Variants in FAM24A observed in about 807,000 individuals in gnomAD.
The protein encoded by FAM24A is family with sequence similarity 24 member A.
Under a neutral mutation model 2.8 loss-of-function variants are expected in FAM24A, and 2 were observed. That is an observed-to-expected ratio of 0.73 (90% CI 0.30 to 2.28). The LOEUF is 2.28. FAM24A is among the 30% of genes most tolerant of loss of function. The pLI is 0.12. For synonymous variants in FAM24A, 46 were observed against 47.5 expected, an observed-to-expected ratio of 0.97 and a Z score of 0.13; for missense variants, 109 against 132.0, an observed-to-expected ratio of 0.83 and a Z score of 0.85.
chr10:122,912,674 A>C, intron 2 of FAM24A, 88 bp from the exon 3 acceptor site: 4 of 1,319,438 alleles, frequency 3.0e-6, no homozygotes, highest in Non-Finnish European at 4.2e-6. Context: ...TGGCTTCAGC[A>C]CTAAACTTCC....
intron 1 of FAM24A, among the ~76,000 whole-genome samples, 198 bp downstream of exon 1, chr10:122,911,017 A>G (rs1358418998): frequency 1.3e-5 from 2 of 152,190 alleles, no homozygotes; most frequent in Non-Finnish European, 2.9e-5. Context: ...GGGCTCCTGA[A>G]TAAGCTGGCT....
chr10:122,911,491 C>A, intron 1 of FAM24A, 142 bp from the exon 2 acceptor site: 1 of 1,256,074 alleles, frequency 8.0e-7, no homozygotes, highest in Non-Finnish European at 1.1e-6. Context: ...CCTGGACCAG[C>A]TTAGGATCCT....
intron 2 of FAM24A, 138 bp downstream of exon 2, chr10:122,911,897 G>C: frequency 1.9e-6 from 2 of 1,071,558 alleles, no homozygotes; most frequent in Non-Finnish European, 2.7e-6. Context: ...GTTTTGAAAA[G>C]GCAGAAATGG....
chr10:122,911,791 T>A (rs1249473557), intron 2 of FAM24A, 32 bp downstream of exon 2: 1 of 1,612,630 alleles, frequency 6.2e-7, no homozygotes, highest in Admixed American at 1.7e-5. Context: ...GAATTACACC[T>A]CCTCAAATGG....
intron 2 of FAM24A, 85 bp from the exon 3 acceptor site, chr10:122,912,677 A>C: frequency 7.3e-7 from 1 of 1,377,478 alleles, no homozygotes; most frequent in Non-Finnish European, 1.0e-6. Context: ...CTTCAGCACT[A>C]AACTTCCCAG....
chr10:122,911,728 TGTCTTTACTTCAAAGTAGCTA>T lies in FAM24A; in HGVS notation c.95_115del (p.Cys32_Lys39delinsTer). 2 of 1,614,178 alleles carry T rather than the reference TGTCTTTACTTCAAAGTAGCTA, an allele frequency of 1.2e-6. No homozygotes were observed. The highest frequency in any genetic ancestry group is 4.5e-5 in the East Asian group (2 of 44,878). On this transcript the variant is annotated stop_gained and inframe_deletion, in exon 2 of 3. Transcript: ENST00000368894. LOFTEE classifies it low-confidence loss of function (END_TRUNC). ...GATGGTGCTCCTAAGTGTTGTGTTCTGTCTTTACTTCAAAGTAGCTAAGGCACTAAAGTGAGTCATGTGGGG... is the reference window on the plus strand; with the variant it reads ...GATGGTGCTCCTAAGTGTTGTGTTCTAGGCACTAAAGTGAGTCATGTGGGG...
rs747709433 is a variant in FAM24A at position 122,911,650 on chromosome 10, G to A, written c.16G>A (p.Asp6Asn). Reference sequence around the variant, plus strand: ...CTCCTTAGGCATGGCAAAGATGTTTGATCTCAGGACGAAGATCATGATCGG... The same window carrying A: ...CTCCTTAGGCATGGCAAAGATGTTTAATCTCAGGACGAAGATCATGATCGG... Reference protein sequence around the residue: MAKMFDLRTKIMIGIG... With the variant: MAKMFNLRTKIMIGIG... Residue 6 changes from aspartate to asparagine, a missense_variant, in exon 2 of 3, where the codon GAT becomes AAT. Physicochemically the swap from Asp to Asn is conservative, Grantham distance 23. Transcript: ENST00000368894. 4 of 1,613,946 alleles carry A rather than the reference G, an allele frequency of 2.5e-6. No homozygotes were observed. The South Asian group carries it at 4.4e-5, about 18-fold the overall frequency.
At chr10:122,912,400 A>C (rs1220761793) in intron 2 of FAM24A, among the ~76,000 whole-genome samples, 1 of 152,018 alleles carries the variant, frequency 6.6e-6, no homozygotes, top group Non-Finnish European at 1.5e-5. Context: ...AGTACCAGAG[A>C]GGTTGGTTGT....
At chr10:122,912,540 T>C (rs547875051) in intron 2 of FAM24A, among the ~76,000 whole-genome samples, 1 of 152,168 alleles carries the variant, frequency 6.6e-6, no homozygotes, top group African/African-American at 2.4e-5. Context: ...TTGCTTGCAA[T>C]TCACTTACCC....
At chr10:122,910,975 A>G (rs1036318783) in intron 1 of FAM24A, among the ~76,000 whole-genome samples, 156 bp downstream of exon 1, 10 of 152,146 alleles carry the variant, frequency 6.6e-5, no homozygotes, top group South Asian at 6.2e-4. Flanking sequence ...AGGTAGGCCT[A>G]TGGTCTACTA....
Position 122,911,761 on chromosome 10 carries a change from T to G in FAM24A, c.125+2T>G, listed in dbSNP as rs1419982865. The G allele has an allele frequency of 6.2e-7, 1 of 1,613,804 alleles. No homozygotes were observed. The highest frequency in any genetic ancestry group is 8.5e-7 in the Non-Finnish European group (1 of 1,179,912). On this transcript the variant is annotated splice_donor_variant, in intron 2 of 2. Transcript: ENST00000368894. LOFTEE classifies it high-confidence loss of function. ...CTTCAAAGTAGCTAAGGCACTAAAG[T>G]GAGTCATGTGGGGGAAAATGAATTA...
chr10:122,912,819 T>C lies in FAM24A; in HGVS notation c.183T>C (p.Cys61=), dbSNP rs776735141. Residue 61 remains cysteine, a synonymous_variant, in exon 3 of 3, where the codon TGT becomes TGC. Transcript: ENST00000368894. ...AAAATCACAACCCAGACAAGGTGTG[T>C]TGGGCCACGAACAGCCAGGCCAAAG... is the stretch of plus-strand genomic sequence containing the variant. ...AVKNHNPDKV[C]WATNSQAKAT... 1.2e-6 allele frequency: 2 copies of C among 1,614,150 alleles called. No homozygotes were observed. The highest frequency in any genetic ancestry group is 1.7e-6 in the Non-Finnish European group (2 of 1,180,022).
intron 1 of FAM24A, 23 bp from the exon 2 acceptor site, chr10:122,911,610 G>T (rs781192172): frequency 1.4e-5 from 22 of 1,611,580 alleles, no homozygotes; most frequent in Non-Finnish European, 1.8e-5. Context: ...GCCACGTTCT[G>T]CTTCCCTGCA....
chr10:122,910,730 A>C lies in FAM24A; in HGVS notation c.-92A>C, dbSNP rs1162995866. Reference sequence around the variant, plus strand: ...TCTTTCTCAGATTACAGGTTTGAGAAGTTCCAAATATCCGATGCCCTAGAG... The same window carrying C: ...TCTTTCTCAGATTACAGGTTTGAGACGTTCCAAATATCCGATGCCCTAGAG... On this transcript the variant is annotated 5_prime_UTR_variant, in exon 1 of 3. Transcript: ENST00000368894. 1 of 152,204 alleles carries C rather than the reference A, an allele frequency of 6.6e-6. No individual in the cohort carries two copies. The highest frequency in any genetic ancestry group is 1.5e-5 in the Non-Finnish European group (1 of 68,034). 9.4% of individuals were successfully genotyped at this position (152,204 alleles called of 1,614,324 possible).
Position 122,912,666 on chromosome 10 carries a change from G to A in FAM24A, c.126-96G>A. 4 of 1,178,560 alleles carry A rather than the reference G, an allele frequency of 3.4e-6. No homozygotes were observed. In the South Asian group the frequency reaches 5.9e-5, roughly 17 times the overall value. The allele number at this position is 1,178,560 out of a possible 1,614,324, so 73.0% of individuals were successfully genotyped here. Reference sequence around the variant, plus strand: ...TAGGGCTGGTGTTCATGTTTGATTGGCTTCAGCACTAAACTTCCCAGATAC... The same window carrying A: ...TAGGGCTGGTGTTCATGTTTGATTGACTTCAGCACTAAACTTCCCAGATAC... On this transcript the variant is annotated intron_variant, in intron 2 of 2. Transcript: ENST00000368894.
In FAM24A at chr10:122,912,932, G is replaced by A. The variant is rs1564715119; in HGVS notation, c.296G>A (p.Cys99Tyr). The change falls in exon 3 of 3, where the codon TGT becomes TAT. Residue 99 changes from cysteine to tyrosine, a missense_variant. By Grantham distance (194) the Cys-to-Tyr change is radical. Transcript: ENST00000368894. ...ASSDSLPPCC[C>Y]DINEGL ...TCTGATTCCCTGCCACCTTGCTGTT[G>A]TGACATAAATGAGGGCCTCTGACTT... The A allele has an allele frequency of 1.9e-6, 3 of 1,609,706 alleles. No individual in the cohort carries two copies. Among genetic ancestry groups the A allele is most frequent in the Middle Eastern group, 1.7e-4 (1 of 6,054 alleles).
rs2293436 is a variant in FAM24A at position 122,910,782 on chromosome 10, C to T, written c.-40C>T. 3 of 152,166 alleles carry T rather than the reference C, an allele frequency of 2.0e-5. No homozygotes were observed. Among genetic ancestry groups the T allele is most frequent in the Non-Finnish European group, 2.9e-5 (2 of 68,042 alleles). The allele number at this position is 152,166 out of a possible 1,614,324, so 9.4% of individuals were successfully genotyped here. On this transcript the variant is annotated 5_prime_UTR_variant, in exon 1 of 3. Coordinates refer to ENST00000368894, the MANE Select transcript of FAM24A (RefSeq NM_001029888.3). ...TTTTTTTCCCTTAATTTTATTGTTA[C>T]AATTGGCCTTCATCTAGCTCTGGAT... is the stretch of plus-strand genomic sequence containing the variant.
chr10:122,912,968 G>A lies in FAM24A; in HGVS notation c.*14G>A. The stretch of plus-strand genomic sequence containing the variant: ...GAGGGCCTCTGACTTGGGAAAGCTG[G>A]GCACAAAAATCTTCATGAGCAATAT... On this transcript the variant is annotated 3_prime_UTR_variant, in exon 3 of 3. Coordinates refer to ENST00000368894, the MANE Select transcript of FAM24A (RefSeq NM_001029888.3). 6.3e-7 allele frequency: 1 copy of A among 1,577,614 alleles called. No individual in the cohort carries two copies. The highest frequency in any genetic ancestry group is 8.6e-7 in the Non-Finnish European group (1 of 1,165,404).
At position 122,913,027 on chromosome 10, in the gene FAM24A, C is replaced by A; in HGVS notation, c.*73C>A. 2.2e-6 allele frequency: 3 copies of A among 1,388,128 alleles called. No homozygotes were observed. In the South Asian group the frequency reaches 4.2e-5, roughly 19 times the overall value. 86.0% of individuals were successfully genotyped at this position (1,388,128 alleles called of 1,614,324 possible). A position where few individuals can be genotyped will look rare whatever the true frequency, so the allele number is the denominator to read the frequency against. ...TAATAGAATGTTTTATTATTCAAGT[C>A]AAGTTCTAGAGTGTTTACATACTAT... On this transcript the variant is annotated 3_prime_UTR_variant, in exon 3 of 3. Coordinates refer to ENST00000368894, the MANE Select transcript of FAM24A (RefSeq NM_001029888.3).
Sources: allele counts gnomAD v4.1 joint callset (sites outside exome capture counted in the v4.1 genomes callset), GRCh38; gene constraint gnomAD v4.1.1; transcripts MANE v1.5; gene names NCBI Gene and HGNC (gene_info 2026-07-23, HGNC 2026-07-21).